Variants in CSMD3 observed in about 807,000 individuals in gnomAD.
CSMD3 encodes the protein CUB and sushi domain-containing protein 3.
Under a neutral mutation model 435.2 loss-of-function variants are expected in CSMD3, and 177 were observed. The observed-to-expected ratio is 0.41, with a 90% CI of 0.36 to 0.46. The LOEUF (loss-of-function observed/expected upper bound fraction) is 0.46. CSMD3 is among the 20% of genes least tolerant of loss of function. The pLI, the probability that CSMD3 is intolerant of heterozygous loss-of-function variation, is 0.34. For missense variants in CSMD3, 4,265 were observed against 4,504.6 expected (o/e 0.95, Z 1.52); for synonymous variants, 1,656 against 1,520.5 (o/e 1.09, Z -2.07).
intron 1 of CSMD3, among the ~76,000 whole-genome samples, chr8:113,355,437 T>C (rs186923367): frequency 2.1e-3 from 325 of 152,064 alleles, no homozygotes; most frequent in African/African-American, 7.5e-3. Context: ...TGCCAGAAAA[T>C]TCAGTGTCTG....
At chr8:112,974,144 T>C (rs1161044031) in intron 7 of CSMD3, among the ~76,000 whole-genome samples, 1 of 151,896 alleles carries the variant, frequency 6.6e-6, no homozygotes, top group Non-Finnish European at 1.5e-5. Context: ...GAAGTACTCT[T>C]GAAGCTTAAT....
intron 9 of CSMD3, among the ~76,000 whole-genome samples, chr8:112,928,073 C>CT (rs926620814): frequency 1.3e-5 from 2 of 152,142 alleles, no homozygotes; most frequent in Non-Finnish European, 2.9e-5. Context: ...AATTCTATCA[C>CT]TAGGAGTACA....
At chr8:113,037,494 A>G (rs1477375759) in intron 5 of CSMD3, among the ~76,000 whole-genome samples, 2 of 152,070 alleles carry the variant, frequency 1.3e-5, no homozygotes, top group Admixed American at 6.5e-5. Flanking sequence ...TATTCATTTC[A>G]TTGATTTTTC....
chr8:113,296,120 G>C (rs182270898), intron 2 of CSMD3, among the ~76,000 whole-genome samples: 229 of 151,924 alleles, frequency 1.5e-3, no homozygotes, highest in African/African-American at 5.4e-3. Flanking sequence ...ACACAGGAAG[G>C]GGGACATCAC....
chr8:112,490,723 A>C, intron 31 of CSMD3, among the ~76,000 whole-genome samples: 1 of 152,172 alleles, frequency 6.6e-6, no homozygotes, highest in East Asian at 1.9e-4. Flanking sequence ...CATTGACAGT[A>C]AAATTTGAAA....
chr8:113,263,638 A>C (rs1441864644), intron 3 of CSMD3, among the ~76,000 whole-genome samples: 2 of 151,834 alleles, frequency 1.3e-5, no homozygotes, highest in Non-Finnish European at 2.9e-5. Context: ...TGTTCTATTA[A>C]TTAAGATTTT....
At chr8:113,322,568 C>G (rs561009471) in intron 1 of CSMD3, among the ~76,000 whole-genome samples, 1 of 152,196 alleles carries the variant, frequency 6.6e-6, no homozygotes, top group Admixed American at 6.5e-5. Context: ...CAAAACTGCT[C>G]CAGCTTTTTT....
In CSMD3 at chr8:113,260,707, A is replaced by G. The variant is rs764912443; in HGVS notation, c.514+17885T>C. ...TGTGCCATGGTAGTTTGCTGCCCCT[A>G]TCAATTCGCCATCTAGATTTTAAGC... On this transcript the variant is annotated intron_variant, in intron 3 of 70. Transcript: ENST00000297405. 1.3e-5 allele frequency among the ~76,000 whole-genome samples: 2 copies of G among 152,098 alleles called. 1 individual carries two copies. Among genetic ancestry groups the G allele is most frequent in the Middle Eastern group, 6.8e-3 (2 of 294 alleles).
At chr8:112,433,482 C>T (rs993518899) in intron 32 of CSMD3, among the ~76,000 whole-genome samples, 4 of 150,936 alleles carry the variant, frequency 2.7e-5, no homozygotes, top group African/African-American at 4.9e-5. Flanking sequence ...ATAGTAAGAC[C>T]CTGTCTCTAC....
chr8:113,319,811 A>G (rs980492083), intron 1 of CSMD3, among the ~76,000 whole-genome samples: 1 of 152,070 alleles, frequency 6.6e-6, no homozygotes. Context: ...GCCTTTGTAA[A>G]TACATTTCTA....
At chr8:112,270,642 T>C (rs1817443156) in intron 59 of CSMD3, among the ~76,000 whole-genome samples, 2 of 152,088 alleles carry the variant, frequency 1.3e-5, no homozygotes, top group Admixed American at 6.6e-5. Flanking sequence ...ATTAACTGAA[T>C]CTATAAAAAA....
At chr8:112,470,040 T>C (rs1230496049) in intron 32 of CSMD3, among the ~76,000 whole-genome samples, 2 of 152,146 alleles carry the variant, frequency 1.3e-5, no homozygotes, top group East Asian at 3.9e-4. Flanking sequence ...ATCCAGTAAC[T>C]ACTGCTTGAC....
At chr8:113,219,001 C>A (rs1313085956) in intron 3 of CSMD3, among the ~76,000 whole-genome samples, 2 of 151,244 alleles carry the variant, frequency 1.3e-5, no homozygotes, top group African/African-American at 4.8e-5. Context: ...TCAGTAGATG[C>A]TCAAAGATGA....
chr8:112,224,594 G>T lies in CSMD3; in HGVS notation c.*177C>A. 1.5e-6 allele frequency: 1 copy of T among 680,822 alleles called. No homozygotes were observed. Among genetic ancestry groups the T allele is most frequent in the Non-Finnish European group, 2.6e-6 (1 of 381,978 alleles). 42.2% of individuals were successfully genotyped at this position (680,822 alleles called of 1,614,324 possible). A position where few individuals can be genotyped will look rare whatever the true frequency, so the allele number is the denominator to read the frequency against. On this transcript the variant is annotated 3_prime_UTR_variant, in exon 71 of 71. Coordinates refer to ENST00000297405, the MANE Select transcript of CSMD3 (RefSeq NM_198123.2). ...CCAAATTTCTGTAAAACTCTCCATG[G>T]TAAACATGAAGAATTATGGTCCAGT...
chr8:112,656,255 G>C lies in CSMD3; in HGVS notation c.2903C>G (p.Thr968Ser), dbSNP rs2131661758. Residue 968 changes from threonine to serine, a missense_variant, in exon 18 of 71, where the codon ACC becomes AGC. By Grantham distance (58) the Thr-to-Ser change is moderately conservative. Around this residue, in one of 3 missense-constraint regions of CSMD3, gnomAD observed 3,255 missense variants for 3,380.2 expected, o/e 0.96. Transcript: ENST00000297405. ...LSPLLGSYNG[T>S]QVPQFLFSSS... is the part of the protein sequence containing the mutation. The stretch of plus-strand genomic sequence containing the variant: ...ACTAAATAGAAACTGGGGCACTTGG[G>C]TGCCATTGTAAGATCCAAGCAAGGG... 1 of 1,611,734 alleles carries C rather than the reference G, an allele frequency of 6.2e-7. No individual in the cohort carries two copies. Among genetic ancestry groups the C allele is most frequent in the Non-Finnish European group, 8.5e-7 (1 of 1,178,028 alleles).
chr8:112,935,301 T>C (rs1393224385), intron 9 of CSMD3, among the ~76,000 whole-genome samples: 1 of 152,182 alleles, frequency 6.6e-6, no homozygotes, highest in African/African-American at 2.4e-5. Context: ...ACTATAGTTT[T>C]GTAGTATATT....
intron 2 of CSMD3, among the ~76,000 whole-genome samples, chr8:113,307,345 A>G (rs1344033212): frequency 6.6e-6 from 1 of 152,124 alleles, no homozygotes; most frequent in East Asian, 1.9e-4. Context: ...CTTCACTTTA[A>G]TGCTTAAATA....
intron 3 of CSMD3, among the ~76,000 whole-genome samples, chr8:113,259,589 C>G (rs1041640467): frequency 6.6e-6 from 1 of 151,634 alleles, no homozygotes; most frequent in Admixed American, 6.6e-5. Flanking sequence ...GATGACAGCC[C>G]CAAAACTGAG....
chr8:113,164,485 C>T (rs1241380879), intron 4 of CSMD3, among the ~76,000 whole-genome samples: 1 of 150,242 alleles, frequency 6.7e-6, no homozygotes, highest in African/African-American at 2.4e-5. Context: ...GTATTTAGAC[C>T]CAGTTTTACA....
Sources: allele counts gnomAD v4.1 joint callset (sites outside exome capture counted in the v4.1 genomes callset), GRCh38; gene constraint gnomAD v4.1.1; regional missense constraint gnomAD v4.1.1; transcripts MANE v1.5; gene names NCBI Gene and HGNC (gene_info 2026-07-23, HGNC 2026-07-21).